The following EYS variants were observed in gnomAD, a reference collection of about 807,000 sequenced individuals.
The protein encoded by EYS is protein eyes shut homolog.
A neutral mutation model predicts 282.1 loss-of-function variants in EYS; 250 were observed. That is an observed-to-expected ratio of 0.89 (90% CI 0.80 to 0.98). The LOEUF is 0.98. EYS is among the 50% of genes least tolerant of loss of function. The pLI, the probability that EYS is intolerant of heterozygous loss-of-function variation, is 0.00. For synonymous variants in EYS, 1,355 were observed against 1,282.9 expected (o/e 1.06, Z -1.20); for missense variants, 4,016 against 3,709.0 (o/e 1.08, Z -2.15).
At chr6:64,651,686 A>T (rs564748501) in intron 22 of EYS, among the ~76,000 whole-genome samples, 22 of 152,348 alleles carry the variant, frequency 1.4e-4, no homozygotes, top group African/African-American at 4.8e-4. Flanking sequence ...CGTCTCAAAA[A>T]AAGGAAAAAA....
At chr6:64,643,865 A>T (rs1473718833) in intron 22 of EYS, among the ~76,000 whole-genome samples, 1 of 152,174 alleles carries the variant, frequency 6.6e-6, no homozygotes, top group Admixed American at 6.5e-5. Flanking sequence ...GTGGAACTAT[A>T]AGTCCATTAA....
chr6:65,266,003 A>T (rs556597639), intron 12 of EYS, among the ~76,000 whole-genome samples: 11 of 152,038 alleles, frequency 7.2e-5, no homozygotes, highest in Admixed American at 5.2e-4. Context: ...ATCAGAGAAT[A>T]AAAAAATTAA....
At chr6:64,850,898 T>G (rs895932738) in intron 19 of EYS, among the ~76,000 whole-genome samples, 1 of 152,044 alleles carries the variant, frequency 6.6e-6, no homozygotes, top group Admixed American at 6.6e-5. Context: ...TATTGTAAAT[T>G]TAATATAGTA....
chr6:63,747,893 T>C (rs1258141363), intron 41 of EYS, among the ~76,000 whole-genome samples: 2 of 152,012 alleles, frequency 1.3e-5, no homozygotes, highest in Non-Finnish European at 2.9e-5. Context: ...GGTTCTTGAC[T>C]CTTTATCCAA....
intron 19 of EYS, among the ~76,000 whole-genome samples, chr6:64,883,077 T>C (rs1396924915): frequency 6.6e-6 from 1 of 151,534 alleles, no homozygotes; most frequent in South Asian, 2.1e-4. Flanking sequence ...ATAATATCTT[T>C]ACAATAACCA....
intron 1 of EYS, among the ~76,000 whole-genome samples, chr6:65,685,724 A>G (rs1470636865): frequency 6.6e-6 from 1 of 151,994 alleles, no homozygotes; most frequent in Non-Finnish European, 1.5e-5. Flanking sequence ...CATATGTGAG[A>G]GAAGACAGTT....
intron 13 of EYS, among the ~76,000 whole-genome samples, chr6:65,020,839 A>G (rs922098594): frequency 3.3e-5 from 5 of 152,100 alleles, no homozygotes; most frequent in African/African-American, 1.2e-4. Context: ...TTGTCTTCTG[A>G]GTGCCTGCAG....
chr6:64,106,341 GA>G, intron 31 of EYS, among the ~76,000 whole-genome samples: 1 of 151,742 alleles, frequency 6.6e-6, no homozygotes, highest in East Asian at 1.9e-4. Context: ...TTGTTTGCCT[GA>G]AAAAAAATCT....
At chr6:65,361,981 T>C (rs1388566087) in intron 8 of EYS, among the ~76,000 whole-genome samples, 1 of 152,146 alleles carries the variant, frequency 6.6e-6, no homozygotes, top group African/African-American at 2.4e-5. Context: ...GTAACTAATT[T>C]ATTATTCACA....
At chr6:65,075,476 CTATA>C (rs1774021613) in intron 12 of EYS, among the ~76,000 whole-genome samples, 1 of 151,824 alleles carries the variant, frequency 6.6e-6, no homozygotes, top group African/African-American at 2.4e-5. Context: ...ATGTGTTTTT[CTATA>C]TAGTTTTAGA....
At position 65,409,245 on chromosome 6, in the gene EYS, GT is replaced by G. The variant is rs569326432; in HGVS notation, c.863-3879del. ...TAGGCAAGTCACTTGCCTCCCCTTA[GT>G]CCCCACCCTACTAAGATTATGCAAA... On this transcript the variant is annotated intron_variant, in intron 5 of 42. Coordinates refer to ENST00000503581, the MANE Select transcript of EYS (RefSeq NM_001142800.2). 5.8e-4 allele frequency among the ~76,000 whole-genome samples: 88 copies of G among 152,212 alleles called. 2 individuals carry two copies. In the South Asian group the frequency reaches 0.018, roughly 30 times the overall value.
intron 14 of EYS, among the ~76,000 whole-genome samples, chr6:64,954,852 A>G (rs1379888830): frequency 1.3e-5 from 2 of 152,154 alleles, no homozygotes; most frequent in Non-Finnish European, 2.9e-5. Flanking sequence ...CTATATGCCA[A>G]AAGTGAACAA....
At chr6:65,118,503 G>A (rs779820017) in intron 12 of EYS, among the ~76,000 whole-genome samples, 57 of 152,172 alleles carry the variant, frequency 3.7e-4, no homozygotes, top group Admixed American at 4.6e-4. Flanking sequence ...TTTGACCTCT[G>A]GAGGAAGGCT....
intron 7 of EYS, 113 bp downstream of exon 7, chr6:65,402,365 A>G: frequency 1.4e-6 from 1 of 727,792 alleles, no homozygotes; most frequent in East Asian, 2.8e-5. Context: ...ATAGAATATT[A>G]TATACCATTA....
intron 13 of EYS, among the ~76,000 whole-genome samples, chr6:65,024,016 C>T (rs1177611608): frequency 6.6e-6 from 1 of 152,046 alleles, no homozygotes; most frequent in Non-Finnish European, 1.5e-5. Flanking sequence ...CTACTACATG[C>T]CATAGCCCTC....
intron 35 of EYS, among the ~76,000 whole-genome samples, chr6:63,878,994 C>G (rs1356542671): frequency 6.6e-6 from 1 of 152,150 alleles, no homozygotes; most frequent in African/African-American, 2.4e-5. Flanking sequence ...GTGAGATGAA[C>G]CCGGTACTTC....
intron 12 of EYS, among the ~76,000 whole-genome samples, chr6:65,104,549 G>A (rs1330607092): frequency 6.6e-6 from 1 of 151,382 alleles, no homozygotes; most frequent in Non-Finnish European, 1.5e-5. Flanking sequence ...AAAATTGGAA[G>A]TAACTGTTTT....
intron 22 of EYS, among the ~76,000 whole-genome samples, chr6:64,659,517 G>GAA (rs1193101882): frequency 6.6e-6 from 1 of 151,416 alleles, no homozygotes; most frequent in Non-Finnish European, 1.5e-5. Flanking sequence ...AAAGAGAGAA[G>GAA]AATCAAATAG....
intron 36 of EYS, among the ~76,000 whole-genome samples, chr6:63,853,364 GA>G (rs1772308966): frequency 6.6e-6 from 1 of 152,090 alleles, no homozygotes; most frequent in African/African-American, 2.4e-5. Flanking sequence ...GCCAAATCAT[GA>G]GTGAATTGCC....
Sources: allele counts gnomAD v4.1 joint callset (sites outside exome capture counted in the v4.1 genomes callset), GRCh38; gene constraint gnomAD v4.1.1; transcripts MANE v1.5; gene names NCBI Gene and HGNC (gene_info 2026-07-23, HGNC 2026-07-21).